AXIN2: variants seen among roughly 807,000 people sequenced by gnomAD.
The protein encoded by AXIN2 is axin-2.
In AXIN2, 21 loss-of-function variants were observed where a neutral mutation model predicts 74.7. The ratio of observed to expected loss-of-function variants is 0.28; its 90% CI spans 0.20 to 0.40. AXIN2 has a LOEUF of 0.40. AXIN2 is among the 10% of genes least tolerant of loss of function. The pLI is 1.00. For missense variants in AXIN2, 1,144 were observed against 1,111.1 expected, an observed-to-expected ratio of 1.03 and a Z score of -0.42; for synonymous variants, 532 against 454.9, an observed-to-expected ratio of 1.17 and a Z score of -2.16.
chr17:65,554,110 T>G (rs1019428992), intron 2 of AXIN2, among the ~76,000 whole-genome samples: 3 of 151,758 alleles, frequency 2.0e-5, no homozygotes, highest in African/African-American at 7.3e-5. Flanking sequence ...TGTTTTCCCC[T>G]ATCCTGTTCT....
intron 2 of AXIN2, among the ~76,000 whole-genome samples, chr17:65,556,030 C>G (rs1323574840): frequency 2.0e-5 from 3 of 152,166 alleles, no homozygotes; most frequent in African/African-American, 7.2e-5. Context: ...CCCTGGAAAA[C>G]AGGAGCTTCT....
chr17:65,530,155 TGAAAA>T, intron 10 of AXIN2, 53 bp from the exon 11 acceptor site: 1 of 1,609,584 alleles, frequency 6.2e-7, no homozygotes, highest in South Asian at 1.1e-5. Flanking sequence ...TCCACATTGT[TGAAAA>T]GAAAAGCATA....
intron 3 of AXIN2, among the ~76,000 whole-genome samples, chr17:65,549,276 T>G (rs547661592): frequency 7.2e-5 from 11 of 152,336 alleles, no homozygotes; most frequent in Non-Finnish European, 1.3e-4. Context: ...TGTCCTTTAG[T>G]TTTTCTTCTG....
At position 65,558,170 on chromosome 17, in the gene AXIN2, G is replaced by C. The variant is rs2144585741; in HGVS notation, c.451C>G (p.Pro151Ala). 6.2e-7 allele frequency: 1 copy of C among 1,612,326 alleles called. No homozygotes were observed. Among genetic ancestry groups the C allele is most frequent in the East Asian group, 2.2e-5 (1 of 44,796 alleles). The change falls in exon 2 of 11, where the codon CCT becomes GCT. Residue 151 changes from proline (P) to alanine (A), a missense_variant. By Grantham distance (27) the Pro-to-Ala change is conservative. This residue lies in a region of AXIN2 where 1,053 missense variants were observed against 973.5 expected (regional missense o/e 1.08). Transcript: ENST00000307078. ...TCTCTTATGTAGGTCTTGGTGGCAG[G>C]CTTCAGCTGCTTGGAGACAATGCTG... ...NNSIVSKQLK[P>A]ATKTYIRDGI...
At chr17:65,557,685 C>G (rs1280028998) in intron 2 of AXIN2, 121 bp downstream of exon 2, 4 of 1,019,510 alleles carry the variant, frequency 3.9e-6, no homozygotes, top group Admixed American at 2.3e-5. Flanking sequence ...GGGTTCATGG[C>G]CAGCAGTCCT....
chr17:65,534,949 G>A (rs764650279), intron 9 of AXIN2, among the ~76,000 whole-genome samples: 2 of 152,108 alleles, frequency 1.3e-5, no homozygotes, highest in Non-Finnish European at 2.9e-5. Context: ...AAAAAAAGTG[G>A]CTGGCCCAGA....
At position 65,558,525 on chromosome 17, in the gene AXIN2, C is replaced by G. The variant is rs1453134737; in HGVS notation, c.96G>C (p.Glu32Asp). 6.2e-7 allele frequency: 1 copy of G among 1,613,890 alleles called. No individual in the cohort carries two copies. Among genetic ancestry groups the G allele is most frequent in the East Asian group, 2.2e-5 (1 of 44,854 alleles). ...CCACCCCTGGCTGACACGGTGGGGTCTCCCCTTCTTCCCCTGGCACTGGGG... is the reference window on the plus strand; with the variant it reads ...CCACCCCTGGCTGACACGGTGGGGTGTCCCCTTCTTCCCCTGGCACTGGGG... ...PRPPVPGEEG[E>D]TPPCQPGVGK... is the part of the protein sequence containing the mutation. Residue 32 changes from glutamate (E) to aspartate (D), a missense_variant, in exon 2 of 11, where the codon GAG (glutamate) becomes GAC (aspartate). Glu to Asp is a conservative substitution (Grantham distance 45). Around this residue, in one of 4 missense-constraint regions of AXIN2, gnomAD observed 1,053 missense variants for 973.5 expected, o/e 1.08. Transcript: ENST00000307078.
rs542111721 is a variant in AXIN2 at position 65,553,855 on chromosome 17, G to A, written c.815+3951C>T. Among the ~76,000 whole-genome samples the A allele has an allele frequency of 6.1e-5, 9 of 148,392 alleles. 1 individual carries two copies. The highest frequency in any genetic ancestry group is 1.3e-4 in the Non-Finnish European group (9 of 66,836). ...TTACTTAAAAAAAAAGGCGGGGGGG[G>A]GGGGAGGAAACTCAAACCACGCTAC... is the stretch of plus-strand genomic sequence containing the variant. On this transcript the variant is annotated intron_variant, in intron 2 of 10. Transcript: ENST00000307078.
intron 4 of AXIN2, 63 bp from the exon 5 acceptor site, chr17:65,538,406 G>C: frequency 6.2e-7 from 1 of 1,605,364 alleles, no homozygotes; most frequent in Non-Finnish European, 8.5e-7. Context: ...CGGTGGCTTG[G>C]CCGGAGCTTC....
rs1555577991 is a variant in AXIN2 at position 65,537,715 on chromosome 17, C to G, written c.1321G>C (p.Asp441His). 6.4e-7 allele frequency: 1 copy of G among 1,558,212 alleles called. No individual in the cohort carries two copies. The highest frequency in any genetic ancestry group is 8.7e-7 in the Non-Finnish European group (1 of 1,151,262). The change falls in exon 6 of 11, where the codon GAT becomes CAT. Residue 441 changes from aspartate (D) to histidine (H), a missense_variant. Asp to His is a moderately conservative substitution (Grantham distance 81). Coordinates refer to ENST00000307078, the MANE Select transcript of AXIN2 (RefSeq NM_004655.4). ...GTCTTGAGGACCCTGGACAGGTGAT[C>G]GTCCAGTATCGTCTGCGGGTCTTCC... ...YEEDPQTILDDHLSRVLKTPG... is the reference protein window; with the variant it reads ...YEEDPQTILDHHLSRVLKTPG...
At chr17:65,544,347 G>T (rs1218914942) in intron 3 of AXIN2, among the ~76,000 whole-genome samples, 2 of 151,396 alleles carry the variant, frequency 1.3e-5, no homozygotes. Flanking sequence ...AGGAACAAAT[G>T]ATTTCATAAG....
chr17:65,546,271 G>T (rs2044117327), intron 3 of AXIN2, among the ~76,000 whole-genome samples: 1 of 152,158 alleles, frequency 6.6e-6, no homozygotes, highest in African/African-American at 2.4e-5. Context: ...TGGGCTGAAA[G>T]CGATTCAGTT....
chr17:65,538,544 G>A (rs999344211), intron 4 of AXIN2, among the ~76,000 whole-genome samples: 6 of 151,824 alleles, frequency 4.0e-5, no homozygotes, highest in Admixed American at 1.3e-4. Context: ...CCCCACCAGC[G>A]TTTGCCTTGG....
At chr17:65,548,770 A>C (rs928975135) in intron 3 of AXIN2, among the ~76,000 whole-genome samples, 1 of 152,164 alleles carries the variant, frequency 6.6e-6, no homozygotes, top group African/African-American at 2.4e-5. Flanking sequence ...CTTGACTTCA[A>C]ATGACCTAAA....
In AXIN2 at chr17:65,541,566, AAG is replaced by A. The variant is rs1475597198; in HGVS notation, c.957-11_957-10del. 2.5e-6 allele frequency: 4 copies of A among 1,608,570 alleles called. No individual in the cohort carries two copies. In the African/African-American group the frequency reaches 5.3e-5, roughly 21 times the overall value. ...AAGGAGGAATTCCATCTCTAAGGGA[AAG>A]GAAAAGACAGAATCCACAGGCTTAC... On this transcript the variant is annotated splice_polypyrimidine_tract_variant and intron_variant, in intron 3 of 10. Transcript: ENST00000307078.
At chr17:65,536,254 C>G in intron 8 of AXIN2, 66 bp downstream of exon 8, 1 of 1,495,746 alleles carries the variant, frequency 6.7e-7, no homozygotes. Context: ...TCCCCATTAG[C>G]CACAGACCAG....
rs1489847661 is a variant in AXIN2 at position 65,560,647 on chromosome 17, G to GGCGCAGGGC, written c.-117+794_-117+802dup. On this transcript the variant is annotated intron_variant, in intron 1 of 10. Transcript: ENST00000307078. ...GTCACCGCGCTGGGGAGGGGGCTCCGGCGCAGGGCGCGCAAGGCTGCCCGG... is the reference window on the plus strand; with the variant it reads ...GTCACCGCGCTGGGGAGGGGGCTCCGGCGCAGGGCGCGCAGGGCGCGCAAGGCTGCCCGG... 3 of 151,876 alleles carry GGCGCAGGGC rather than the reference G, an allele frequency of 2.0e-5. No homozygotes were observed. The East Asian group carries it at 5.9e-4, about 30-fold the overall frequency. The allele number at this position is 151,876 out of a possible 1,614,324, so 9.4% of individuals were successfully genotyped here. A position where few individuals can be genotyped will look rare whatever the true frequency, so the allele number is the denominator to read the frequency against.
At position 65,538,198 on chromosome 17, in the gene AXIN2, A is replaced by C. The variant is rs769380091; in HGVS notation, c.1200+5T>G. The C allele has an allele frequency of 1.2e-6, 2 of 1,614,166 alleles. No homozygotes were observed. Among genetic ancestry groups the C allele is most frequent in the Non-Finnish European group, 8.5e-7 (1 of 1,180,034 alleles). On this transcript the variant is annotated splice_donor_5th_base_variant and intron_variant, in intron 5 of 10. Transcript: ENST00000307078. ...GAAGCAGGAAGAAGGCCTAGGCCGC[A>C]TTACCTCTCGGATCTGCTGCAGGCG...
chr17:65,558,861 A>G (rs2044318306), intron 1 of AXIN2, 125 bp from the exon 2 acceptor site: 2 of 553,228 alleles, frequency 3.6e-6, no homozygotes, highest in South Asian at 4.4e-5. Flanking sequence ...ATTCAAATCA[A>G]GCAACCCAGC....
Sources: allele counts gnomAD v4.1 joint callset (sites outside exome capture counted in the v4.1 genomes callset), GRCh38; gene constraint gnomAD v4.1.1; regional missense constraint gnomAD v4.1.1; transcripts MANE v1.5; gene names NCBI Gene and HGNC (gene_info 2026-07-23, HGNC 2026-07-21).